The following EPYC variants were observed in gnomAD, a reference collection of about 807,000 sequenced individuals.
EPYC encodes the protein dermatan sulfate proteoglycan 3.
EPYC carries 28 observed loss-of-function variants against 30.1 expected under a neutral mutation model. That is an observed-to-expected ratio of 0.93 (90% confidence interval 0.69 to 1.28). EPYC has a LOEUF of 1.28. Among genes scored for constraint, EPYC ranks in the 50% most tolerant of loss-of-function variants. The pLI, the probability that EPYC is intolerant of heterozygous loss-of-function variation, is 0.00. For missense variants in EPYC, 382 were observed against 383.5 expected, an observed-to-expected ratio of 1.00 and a Z score of 0.03; for synonymous variants, 144 against 141.4, an observed-to-expected ratio of 1.02 and a Z score of -0.13.
chr12:90,982,794 C>T (rs1460677455), intron 2 of EPYC, among the ~76,000 whole-genome samples: 1 of 152,086 alleles, frequency 6.6e-6, no homozygotes, highest in Non-Finnish European at 1.5e-5. Context: ...CCAAGTTCAT[C>T]CATGCTATCT....
At chr12:90,976,138 T>C (rs1468918461) in intron 3 of EPYC, among the ~76,000 whole-genome samples, 1 of 152,050 alleles carries the variant, frequency 6.6e-6, no homozygotes, top group Non-Finnish European at 1.5e-5. Flanking sequence ...AGTTAAAAAC[T>C]CAAAGAGGCA....
chr12:90,981,922 T>G (rs930380015), intron 2 of EPYC, among the ~76,000 whole-genome samples: 1 of 152,114 alleles, frequency 6.6e-6, no homozygotes, highest in African/African-American at 2.4e-5. Context: ...ATATATGTTA[T>G]GGAAAAAAAT....
chr12:90,993,465 G>A (rs2120857597), intron 2 of EPYC, among the ~76,000 whole-genome samples: 1 of 152,156 alleles, frequency 6.6e-6, no homozygotes, highest in East Asian at 1.9e-4. Flanking sequence ...ACCTGATCCT[G>A]AATTTAGATA....
intron 2 of EPYC, among the ~76,000 whole-genome samples, chr12:90,999,588 G>T (rs1166679908): frequency 6.6e-6 from 1 of 151,966 alleles, no homozygotes; most frequent in South Asian, 2.1e-4. Flanking sequence ...TACGTTAGTA[G>T]TATTTAGTCA....
At chr12:90,974,713 C>G (rs118168625) in intron 3 of EPYC, among the ~76,000 whole-genome samples, 328 of 152,172 alleles carry the variant, frequency 2.2e-3, no homozygotes, top group Admixed American at 5.8e-3. Flanking sequence ...GATTATTTGT[C>G]TGGAAACAGG....
intron 2 of EPYC, among the ~76,000 whole-genome samples, chr12:90,985,781 C>G (rs1877434419): frequency 6.6e-6 from 1 of 152,054 alleles, no homozygotes; most frequent in Non-Finnish European, 1.5e-5. Flanking sequence ...CTAGATGATC[C>G]AATGACAGGA....
chr12:90,999,853 A>G (rs1295742097), intron 2 of EPYC, among the ~76,000 whole-genome samples: 2 of 152,080 alleles, frequency 1.3e-5, no homozygotes, highest in African/African-American at 2.4e-5. Flanking sequence ...TTAATATCTG[A>G]GCTAAAGTTC....
At chr12:90,993,312 A>G (rs1239715309) in intron 2 of EPYC, among the ~76,000 whole-genome samples, 1 of 152,022 alleles carries the variant, frequency 6.6e-6, no homozygotes, top group Non-Finnish European at 1.5e-5. Flanking sequence ...GGCATAGTTT[A>G]TTTCTGGAGT....
chr12:90,981,378 C>G (rs1358221795), intron 2 of EPYC, among the ~76,000 whole-genome samples: 1 of 152,066 alleles, frequency 6.6e-6, no homozygotes, highest in Non-Finnish European at 1.5e-5. Context: ...GAAAATCATC[C>G]AATTACATTT....
chr12:90,983,860 A>G lies in EPYC; in HGVS notation c.166-5598T>C, dbSNP rs1022881240. On this transcript the variant is annotated intron_variant, in intron 2 of 6. Transcript: ENST00000261172. ...TTCCTTTCTTTAGGCACCCAGGCTC[A>G]CCAATCAGAAAAACATAATTTTTGC... 1.1e-4 allele frequency among the ~76,000 whole-genome samples: 16 copies of G among 152,198 alleles called. No individual in the cohort carries two copies. In the East Asian group the frequency reaches 2.5e-3, roughly 24 times the overall value.
At chr12:90,970,194 GAAAT>G (rs1276730399) in intron 5 of EPYC, 55 bp from the exon 6 acceptor site, 2 of 1,292,846 alleles carry the variant, frequency 1.5e-6, no homozygotes, top group African/African-American at 3.0e-5. Context: ...AACTCAATAA[GAAAT>G]AAAAAACACA....
intron 1 of EPYC, among the ~76,000 whole-genome samples, chr12:91,004,392 T>A (rs1329564717): frequency 1.3e-5 from 2 of 152,118 alleles, no homozygotes; most frequent in South Asian, 2.1e-4. Context: ...TTTATATTCC[T>A]TTCTTCAAGT....
At position 90,966,717 on chromosome 12, in the gene EPYC, ATTC is replaced by A. The variant is rs1372975012; in HGVS notation, c.799-2394_799-2392del. ...AATAGTTTGTGAAAGATTGTTATGA[ATTC>A]TTCTTTAAATGTTTGATAAAGTTAA... On this transcript the variant is annotated intron_variant, in intron 6 of 6. Coordinates refer to ENST00000261172, the MANE Select transcript of EPYC (RefSeq NM_004950.5). 1.6e-4 allele frequency among the ~76,000 whole-genome samples: 25 copies of A among 152,232 alleles called. No homozygotes were observed. The East Asian group carries it at 2.9e-3, about 18-fold the overall frequency.
At chr12:90,990,108 G>T (rs950069766) in intron 2 of EPYC, among the ~76,000 whole-genome samples, 2 of 151,986 alleles carry the variant, frequency 1.3e-5, no homozygotes, top group Admixed American at 6.6e-5. Flanking sequence ...TGAAAACAAA[G>T]AAGTTGGACT....
chr12:90,965,798 T>A (rs1320679591), intron 6 of EPYC, among the ~76,000 whole-genome samples: 1 of 152,088 alleles, frequency 6.6e-6, no homozygotes, highest in Admixed American at 6.5e-5. Flanking sequence ...TAGATCTTAA[T>A]TTCAACAATG....
intron 2 of EPYC, among the ~76,000 whole-genome samples, chr12:90,979,650 G>C (rs952946577): frequency 1.6e-4 from 25 of 152,154 alleles, no homozygotes; most frequent in African/African-American, 6.0e-4. Context: ...CTTCCATAGA[G>C]TCTCTCTATT....
intron 2 of EPYC, among the ~76,000 whole-genome samples, chr12:90,988,378 GTTCAGAGAGGAATGGTTTGTTA>G (rs1877502614): frequency 6.6e-6 from 1 of 152,104 alleles, no homozygotes; most frequent in Non-Finnish European, 1.5e-5. Flanking sequence ...AGAAAGCTGT[GTTCAGAGAGGAATGGTTTGTTA>G]TTATGGTCAG....
chr12:90,997,043 A>G (rs766660023), intron 2 of EPYC, among the ~76,000 whole-genome samples: 3 of 152,026 alleles, frequency 2.0e-5, no homozygotes, highest in Non-Finnish European at 4.4e-5. Context: ...TCAGTTACCA[A>G]TATAGAACCC....
intron 3 of EPYC, among the ~76,000 whole-genome samples, chr12:90,975,241 A>G (rs937594441): frequency 6.6e-6 from 1 of 152,070 alleles, no homozygotes; most frequent in East Asian, 1.9e-4. Flanking sequence ...GAGTTAAGGC[A>G]TTTGATTCTT....
Sources: gnomAD v4.1 joint callset for allele counts (sites outside exome capture counted in the v4.1 genomes callset) on GRCh38, gnomAD v4.1.1 for gene constraint, MANE v1.5 for transcripts, NCBI Gene and HGNC (gene_info 2026-07-23, HGNC 2026-07-21) for gene names.